ARAP2: variants seen among roughly 807,000 people sequenced by gnomAD.
ARAP2 encodes the protein ArfGAP with RhoGAP domain, ankyrin repeat and PH domain 2.
A neutral mutation model predicts 194.5 loss-of-function variants in ARAP2; 148 were observed. That is an observed-to-expected ratio of 0.76 (90% CI 0.67 to 0.87). The LOEUF (loss-of-function observed/expected upper bound fraction) is 0.87. Ranked by LOEUF, ARAP2 falls within the 40% of genes least tolerant of loss-of-function variation. ARAP2 has a pLI of 0.00. For synonymous variants in ARAP2, 695 were observed against 683.5 expected, an observed-to-expected ratio of 1.02 and a Z score of -0.26; for missense variants, 2,128 against 1,989.7, an observed-to-expected ratio of 1.07 and a Z score of -1.32.
At chr4:36,174,791 A>G (rs1737450267) in intron 9 of ARAP2, among the ~76,000 whole-genome samples, 2 of 152,204 alleles carry the variant, frequency 1.3e-5, no homozygotes, top group South Asian at 4.1e-4. Context: ...TACCAGAGCC[A>G]ATTAGTAGCA....
Position 36,066,948 on chromosome 4 carries a change from T to TA in ARAP2, c.*958dup, listed in dbSNP as rs577097563. ...AAACATTACAACCTTAATAATAATTTAAAAAAATCTAAAAATCAAACAAAA... is the reference window on the plus strand; with the variant it reads ...AAACATTACAACCTTAATAATAATTTAAAAAAAATCTAAAAATCAAACAAAA... On this transcript the variant is annotated 3_prime_UTR_variant, in exon 33 of 33. Transcript: ENST00000303965. The TA allele has an allele frequency of 6.6e-6, 1 of 152,102 alleles. No individual in the cohort carries two copies. Among genetic ancestry groups the TA allele is most frequent in the Non-Finnish European group, 1.5e-5 (1 of 68,024 alleles). The allele number at this position is 152,102 out of a possible 1,614,324, so 9.4% of individuals were successfully genotyped here. A position where few individuals can be genotyped will look rare whatever the true frequency, so the allele number is the denominator to read the frequency against.
chr4:36,190,400 C>T (rs1014156745), intron 7 of ARAP2, among the ~76,000 whole-genome samples: 1 of 152,314 alleles, frequency 6.6e-6, no homozygotes, highest in East Asian at 1.9e-4. Context: ...ACATTCCTCA[C>T]CACCTTTCAT....
intron 31 of ARAP2, among the ~76,000 whole-genome samples, chr4:36,078,982 T>C (rs58777625): frequency 0.43 from 65,431 of 151,634 alleles, 14,428 homozygotes; most frequent in East Asian, 0.63. Flanking sequence ...GAGACCAACC[T>C]GCCCAACATG....
chr4:36,154,163 A>G (rs1731681626), intron 15 of ARAP2, among the ~76,000 whole-genome samples: 1 of 152,188 alleles, frequency 6.6e-6, no homozygotes. Flanking sequence ...GAATGTGTAC[A>G]ATACATCTGA....
At chr4:36,043,258 T>C (rs1194550232) in intron 5 of ARAP2, among the ~76,000 whole-genome samples, 1 of 152,190 alleles carries the variant, frequency 6.6e-6, no homozygotes, top group East Asian at 1.9e-4. Flanking sequence ...ACATCCCTAG[T>C]TTTCCCCCAA....
At chr4:36,156,470 GA>G (rs1732553238) in intron 15 of ARAP2, among the ~76,000 whole-genome samples, 1 of 128,438 alleles carries the variant, frequency 7.8e-6, no homozygotes, top group African/African-American at 3.1e-5. Context: ...AGAAAGAAAT[GA>G]AAGAGAAGAA....
At chr4:36,141,331 A>C (rs1728260545) in intron 19 of ARAP2, among the ~76,000 whole-genome samples, 1 of 151,628 alleles carries the variant, frequency 6.6e-6, no homozygotes, top group African/African-American at 2.4e-5. Flanking sequence ...GAAACCCCTA[A>C]GTGTGATCAA....
intron 21 of ARAP2, among the ~76,000 whole-genome samples, chr4:36,127,675 ATTCAAAAGTAAGTT>A (rs1032665849): frequency 1.3e-5 from 2 of 152,044 alleles, no homozygotes; most frequent in Non-Finnish European, 2.9e-5. Flanking sequence ...TTATGGAATA[ATTCAAAAGTAAGTT>A]TTAAAACCTA....
At position 36,198,520 on chromosome 4, in the gene ARAP2, A is replaced by G. The variant is rs1743656109; in HGVS notation, c.1488-4873T>C. Reference sequence around the variant, plus strand: ...TGGCGCCCAGGCTGTTCATGTCAAGAGGTGTCTGCAGGCCAGTGCTGAGTT... The same window carrying G: ...TGGCGCCCAGGCTGTTCATGTCAAGGGGTGTCTGCAGGCCAGTGCTGAGTT... On this transcript the variant is annotated intron_variant, in intron 6 of 32. Coordinates refer to ENST00000303965, the MANE Select transcript of ARAP2 (RefSeq NM_015230.4). Among the ~76,000 whole-genome samples, 3 of 152,254 alleles carry G rather than the reference A, an allele frequency of 2.0e-5. 1 individual carries two copies. The South Asian group carries it at 6.2e-4, about 32-fold the overall frequency.
intron 3 of ARAP2, among the ~76,000 whole-genome samples, chr4:36,051,769 C>G (rs1486808418): frequency 6.6e-6 from 1 of 152,068 alleles, no homozygotes; most frequent in Non-Finnish European, 1.5e-5. Context: ...CTTAAACGGT[C>G]AAGTATGAAA....
chr4:36,063,306 C>T (rs987981281), downstream of ARAP2, among the ~76,000 whole-genome samples: 6 of 151,390 alleles, frequency 4.0e-5, no homozygotes, highest in Non-Finnish European at 8.8e-5. Context: ...TGGGGCCTGT[C>T]AGGAGGTGGG....
chr4:36,069,213 G>A (rs930992993), intron 32 of ARAP2, among the ~76,000 whole-genome samples: 3 of 152,024 alleles, frequency 2.0e-5, no homozygotes, highest in Admixed American at 2.0e-4. Context: ...GAAAATTCAA[G>A]TGGAATAAAA....
chr4:36,142,732 C>T (rs960057718), intron 19 of ARAP2, among the ~76,000 whole-genome samples: 9 of 151,660 alleles, frequency 5.9e-5, no homozygotes, highest in African/African-American at 1.9e-4. Context: ...TTCTCCCTGA[C>T]AAATTCCCCT....
At chr4:36,040,493 T>C (rs1349984727) in intron 5 of ARAP2, among the ~76,000 whole-genome samples, 1 of 152,198 alleles carries the variant, frequency 6.6e-6, no homozygotes, top group East Asian at 1.9e-4. Flanking sequence ...GTTTTTTCCA[T>C]TCATTTGTGT....
At chr4:36,181,149 G>A (rs1271263734) in intron 8 of ARAP2, among the ~76,000 whole-genome samples, 6 of 152,208 alleles carry the variant, frequency 3.9e-5, no homozygotes. Context: ...TCTATTGAGT[G>A]TCTATCTTGA....
chr4:36,177,630 T>C (rs1275111434), intron 9 of ARAP2, among the ~76,000 whole-genome samples, 197 bp downstream of exon 9: 3 of 152,178 alleles, frequency 2.0e-5, no homozygotes, highest in East Asian at 3.8e-4. Context: ...CAGTTTCAAG[T>C]TTGATGGAGG....
At chr4:36,078,739 A>G (rs1728808002) in intron 31 of ARAP2, among the ~76,000 whole-genome samples, 1 of 152,206 alleles carries the variant, frequency 6.6e-6, no homozygotes, top group South Asian at 2.1e-4. Context: ...TTAAATTTCA[A>G]CTGCAGAGTC....
intron 27 of ARAP2, among the ~76,000 whole-genome samples, chr4:36,097,365 T>G (rs1002937182): frequency 6.6e-6 from 1 of 152,084 alleles, no homozygotes; most frequent in Non-Finnish European, 1.5e-5. Context: ...CAAAACCAAA[T>G]TCCTGTCTGT....
intron 6 of ARAP2, 104 bp downstream of exon 6, chr4:36,210,286 G>T: frequency 1.0e-6 from 1 of 984,734 alleles, no homozygotes; most frequent in Non-Finnish European, 1.5e-6. Flanking sequence ...GTATGTGTGT[G>T]TGTGGCGGTG....
Sources: allele counts gnomAD v4.1 joint callset (sites outside exome capture counted in the v4.1 genomes callset), GRCh38; gene constraint gnomAD v4.1.1; transcripts MANE v1.5; gene names NCBI Gene and HGNC (gene_info 2026-07-23, HGNC 2026-07-21).